Variants in DIAPH3 observed in about 807,000 individuals in gnomAD.
The protein encoded by DIAPH3 is protein diaphanous homolog 3.
Under a neutral mutation model 144.3 loss-of-function variants are expected in DIAPH3, and 117 were observed. The ratio of observed to expected loss-of-function variants is 0.81; its 90% confidence interval spans 0.70 to 0.95. DIAPH3 has a LOEUF of 0.95. Ranked by LOEUF, DIAPH3 falls within the 40% of genes least tolerant of loss-of-function variation. The pLI is 0.00. For synonymous variants in DIAPH3, 519 were observed against 488.9 expected (o/e 1.06, Z -0.81); for missense variants, 1,421 against 1,412.7 (o/e 1.01, Z -0.09).
At chr13:59,846,082 T>C (rs2042615265) in intron 22 of DIAPH3, among the ~76,000 whole-genome samples, 1 of 152,070 alleles carries the variant, frequency 6.6e-6, no homozygotes, top group Non-Finnish European at 1.5e-5. Flanking sequence ...ACACCAGAGG[T>C]GTTAAAGAAG....
chr13:60,095,406 T>G (rs149337395), intron 3 of DIAPH3, among the ~76,000 whole-genome samples: 6 of 152,132 alleles, frequency 3.9e-5, no homozygotes, highest in Non-Finnish European at 5.9e-5. Context: ...TCACTTAAAC[T>G]CACTTAGCTA....
intron 22 of DIAPH3, among the ~76,000 whole-genome samples, chr13:59,841,266 C>T (rs550291877): frequency 1.8e-4 from 27 of 152,008 alleles, no homozygotes; most frequent in African/African-American, 6.3e-4. Flanking sequence ...TTTTATACTT[C>T]CTAAAACTCT....
At chr13:59,966,269 A>G (rs985217339) in intron 17 of DIAPH3, among the ~76,000 whole-genome samples, 2 of 149,634 alleles carry the variant, frequency 1.3e-5, no homozygotes, top group African/African-American at 2.5e-5. Context: ...ATCTAATTGG[A>G]AAAAAAAAAG....
intron 2 of DIAPH3, among the ~76,000 whole-genome samples, chr13:60,112,613 C>T (rs934934350): frequency 6.6e-6 from 1 of 152,072 alleles, no homozygotes; most frequent in Admixed American, 6.6e-5. Flanking sequence ...TCCTGTCTCT[C>T]GGAGTGGGGG....
chr13:59,900,377 C>A (rs533146902), intron 20 of DIAPH3, among the ~76,000 whole-genome samples: 4 of 152,100 alleles, frequency 2.6e-5, no homozygotes, highest in Non-Finnish European at 5.9e-5. Context: ...GTTGTCATGG[C>A]CACTAGCTTC....
intron 18 of DIAPH3, among the ~76,000 whole-genome samples, chr13:59,922,237 G>A (rs1361211817): frequency 6.6e-6 from 1 of 151,834 alleles, no homozygotes; most frequent in East Asian, 1.9e-4. Flanking sequence ...AAAATAGGCA[G>A]AAATAAGTTA....
At chr13:59,773,036 T>C (rs975102057) in intron 27 of DIAPH3, among the ~76,000 whole-genome samples, 4 of 152,122 alleles carry the variant, frequency 2.6e-5, no homozygotes, top group Non-Finnish European at 5.9e-5. Flanking sequence ...CATTGTAAAA[T>C]ATGTCACAAT....
At chr13:59,977,448 A>G (rs1276984301) in intron 14 of DIAPH3, among the ~76,000 whole-genome samples, 2 of 151,922 alleles carry the variant, frequency 1.3e-5, no homozygotes, top group African/African-American at 2.4e-5. Context: ...TAAGCCAAAG[A>G]GTTAATCCTC....
chr13:59,760,270 T>G (rs1028543217), intron 27 of DIAPH3, among the ~76,000 whole-genome samples: 2 of 152,180 alleles, frequency 1.3e-5, no homozygotes, highest in Non-Finnish European at 1.5e-5. Context: ...TGGGGAAAAC[T>G]AAGAAAAAGT....
intron 22 of DIAPH3, among the ~76,000 whole-genome samples, chr13:59,848,556 A>AAC (rs2042800208): frequency 7.2e-6 from 1 of 138,554 alleles, no homozygotes; most frequent in South Asian, 2.4e-4. Flanking sequence ...TATGAGTGAG[A>AAC]ATATGCGGTG....
At chr13:59,730,969 CT>C (rs1302104483) in intron 27 of DIAPH3, among the ~76,000 whole-genome samples, 1 of 152,138 alleles carries the variant, frequency 6.6e-6, no homozygotes, top group East Asian at 1.9e-4. Flanking sequence ...TCTCTAACTG[CT>C]TGCCATTCCC....
chr13:59,787,019 C>T (rs376174625), intron 25 of DIAPH3, among the ~76,000 whole-genome samples: 17 of 152,076 alleles, frequency 1.1e-4, no homozygotes, highest in East Asian at 3.9e-4. Context: ...GGGGATCACT[C>T]GAGCCCAGGA....
intron 3 of DIAPH3, among the ~76,000 whole-genome samples, chr13:60,109,342 C>G (rs949476154): frequency 1.3e-5 from 2 of 152,100 alleles, no homozygotes; most frequent in Admixed American, 6.5e-5. Flanking sequence ...TAATTTGTTA[C>G]GGCAGCAATA....
intron 22 of DIAPH3, among the ~76,000 whole-genome samples, chr13:59,860,790 C>T (rs1010308589): frequency 1.5e-4 from 23 of 151,868 alleles, no homozygotes; most frequent in African/African-American, 5.3e-4. Flanking sequence ...TTAAGGTAGT[C>T]AAAAAATTAT....
intron 17 of DIAPH3, 149 bp downstream of exon 17, chr13:59,969,795 A>G (rs1220631933): frequency 5.0e-5 from 21 of 420,260 alleles, no homozygotes; most frequent in Non-Finnish European, 8.0e-5. Flanking sequence ...TAAGCACTTT[A>G]TTTCATTATA....
chr13:60,060,317 A>G (rs1393401389), intron 4 of DIAPH3, among the ~76,000 whole-genome samples: 1 of 152,120 alleles, frequency 6.6e-6, no homozygotes, highest in Non-Finnish European at 1.5e-5. Flanking sequence ...ACAATCCATT[A>G]TGGGAGTTTG....
chr13:60,052,959 T>TAAAAAAAAA (rs559991017), intron 4 of DIAPH3, among the ~76,000 whole-genome samples: 658 of 40,536 alleles, frequency 0.016, 46 homozygotes, highest in Non-Finnish European at 0.018. Flanking sequence ...GACTCCCTCT[T>TAAAAAAAAA]AAAAAAAAAA....
At chr13:59,678,864 A>G (rs1421377804) in intron 27 of DIAPH3, among the ~76,000 whole-genome samples, 2 of 152,238 alleles carry the variant, frequency 1.3e-5, no homozygotes, top group African/African-American at 4.8e-5. Flanking sequence ...AGGAAACATA[A>G]CAATTCATTA....
intron 2 of DIAPH3, among the ~76,000 whole-genome samples, chr13:60,115,637 TTTGTATGAA>T (rs2058683310): frequency 6.6e-6 from 1 of 152,190 alleles, no homozygotes; most frequent in Admixed American, 6.5e-5. Flanking sequence ...TTAGTTCATG[TTTGTATGAA>T]CTAAAGTCAA....
Sources: gnomAD v4.1 joint callset for allele counts (sites outside exome capture counted in the v4.1 genomes callset) on GRCh38, gnomAD v4.1.1 for gene constraint, MANE v1.5 for transcripts, NCBI Gene and HGNC (gene_info 2026-07-23, HGNC 2026-07-21) for gene names.